The following ATP2A2 variants were observed in gnomAD, a reference collection of about 807,000 sequenced individuals.
ATP2A2 encodes sarcoplasmic/endoplasmic reticulum calcium ATPase 2.
ATP2A2 carries 14 observed loss-of-function variants against 109.3 expected under a neutral mutation model. The observed-to-expected ratio is 0.13, with a 90% CI of 0.08 to 0.20. ATP2A2 has a LOEUF of 0.20. Among genes scored for constraint, ATP2A2 ranks in the 10% least tolerant of loss-of-function variants. The probability of loss-of-function intolerance (pLI) is 1.00; values close to 1 mark genes in which losing one functional copy is unlikely to be tolerated. For synonymous variants in ATP2A2, 506 were observed against 490.9 expected, an observed-to-expected ratio of 1.03 and a Z score of -0.41; for missense variants, 657 against 1,321.6, an observed-to-expected ratio of 0.50 and a Z score of 7.80.
At chr12:110,319,005 T>A (rs534235226) in intron 5 of ATP2A2, among the ~76,000 whole-genome samples, 2 of 152,264 alleles carry the variant, frequency 1.3e-5, no homozygotes, top group East Asian at 3.9e-4. Flanking sequence ...CTTGCATTAA[T>A]TTTTCTAGTG....
At chr12:110,309,815 A>G (rs1566215988) in intron 5 of ATP2A2, among the ~76,000 whole-genome samples, 1 of 151,776 alleles carries the variant, frequency 6.6e-6, no homozygotes, top group African/African-American at 2.4e-5. Flanking sequence ...CTGAGGTGGG[A>G]GGATCACCTG....
At chr12:110,329,239 T>C (rs1878102297) in intron 8 of ATP2A2, among the ~76,000 whole-genome samples, 1 of 152,206 alleles carries the variant, frequency 6.6e-6, no homozygotes, top group Non-Finnish European at 1.5e-5. Context: ...ATAGTTAACC[T>C]GTGTTGTTTA....
intron 3 of ATP2A2, 83 bp from the exon 4 acceptor site, chr12:110,291,937 A>G (rs1298818475): frequency 1.6e-6 from 2 of 1,242,280 alleles, no homozygotes; most frequent in African/African-American, 1.5e-5. Context: ...CTGAGCCACC[A>G]TGCTCGGCCA....
rs566471854 is a variant in ATP2A2, at chr12:110,287,184, C to T, written c.219+4389C>T. Among the ~76,000 whole-genome samples the T allele has an allele frequency of 1.6e-3, 246 of 152,098 alleles. 1 individual carries two copies. The highest frequency in any genetic ancestry group is 2.9e-3 in the Non-Finnish European group (195 of 67,990). On this transcript the variant is annotated intron_variant, in intron 3 of 19. Transcript: ENST00000539276. ...AGGAGAATCGCTTGAACCCGGGAGG[C>T]GGATGTTGCAGTGAGCCGAGATTGC...
intron 5 of ATP2A2, among the ~76,000 whole-genome samples, chr12:110,319,673 A>G (rs1877043300): frequency 6.7e-6 from 1 of 149,652 alleles, no homozygotes; most frequent in Non-Finnish European, 1.5e-5. Context: ...TACTACACAT[A>G]TTGTATATTT....
At chr12:110,311,733 A>T (rs1432666825) in intron 5 of ATP2A2, among the ~76,000 whole-genome samples, 6 of 48,474 alleles carry the variant, frequency 1.2e-4, no homozygotes, top group African/African-American at 8.3e-4. Context: ...AGAATTGTTT[A>T]AAAAAAAAAA....
At chr12:110,307,863 T>C (rs2137756422) in intron 5 of ATP2A2, among the ~76,000 whole-genome samples, 1 of 152,356 alleles carries the variant, frequency 6.6e-6, no homozygotes, top group African/African-American at 2.4e-5. Flanking sequence ...TAGGTCCCAA[T>C]TGTCAAGTTA....
intron 5 of ATP2A2, among the ~76,000 whole-genome samples, chr12:110,302,587 T>TTAC (rs1874791944): frequency 9.8e-6 from 1 of 101,998 alleles, no homozygotes; most frequent in African/African-American, 5.6e-5. Flanking sequence ...TTTATTACTA[T>TTAC]TATTATTATT....
chr12:110,330,634 A>G (rs547227883), intron 8 of ATP2A2: 2 of 152,316 alleles, frequency 1.3e-5, no homozygotes, highest in African/African-American at 2.4e-5. Flanking sequence ...CCAGTTCACT[A>G]TAATTTTTTT....
At chr12:110,313,705 CTTTT>C (rs137984643) in intron 5 of ATP2A2, among the ~76,000 whole-genome samples, 46 of 111,896 alleles carry the variant, frequency 4.1e-4, no homozygotes, top group African/African-American at 3.5e-4. Flanking sequence ...GATAATGGAA[CTTTT>C]TTTTTTTTTT....
intron 5 of ATP2A2, among the ~76,000 whole-genome samples, chr12:110,315,017 C>G (rs1054157057): frequency 9.2e-5 from 14 of 152,082 alleles, no homozygotes; most frequent in Non-Finnish European, 1.6e-4. Context: ...CAGGCACCCG[C>G]CACCATGCCC....
chr12:110,344,767 G>A (rs900462199), intron 16 of ATP2A2, 119 bp from the exon 17 acceptor site: 19 of 982,282 alleles, frequency 1.9e-5, no homozygotes, highest in South Asian at 6.6e-5. Context: ...CACAGGCCCC[G>A]GTTACCATCA....
rs116476969 is a variant in ATP2A2, at chr12:110,318,067, A to G, written c.464-4925A>G. Among the ~76,000 whole-genome samples, 1,235 of 152,342 alleles carry G rather than the reference A, an allele frequency of 8.1e-3. 1 individual carries two copies. Among genetic ancestry groups the G allele is most frequent in the Non-Finnish European group, 9.5e-3 (644 of 68,032 alleles). On this transcript the variant is annotated intron_variant, in intron 5 of 19. Transcript: ENST00000539276. ...ATTTTCCACTACCACTTGCCCTAAG[A>G]GCATTGACATGCCTCACCAGGGAAA...
intron 8 of ATP2A2, among the ~76,000 whole-genome samples, chr12:110,328,638 G>A (rs1428452468): frequency 6.6e-6 from 1 of 152,154 alleles, no homozygotes; most frequent in Admixed American, 6.6e-5. Context: ...CACAGCTGTG[G>A]CTCACTTACA....
Position 110,319,841 on chromosome 12 carries a change from C to T in ATP2A2, c.464-3151C>T, listed in dbSNP as rs566138932. On this transcript the variant is annotated intron_variant, in intron 5 of 19. Transcript: ENST00000539276. ...GGTCCTACCTAATACTGTTAGATAA[C>T]GATTGGATATCCCTAATCTGAAAAG... Among the ~76,000 whole-genome samples, 7 of 151,828 alleles carry T rather than the reference C, an allele frequency of 4.6e-5. No individual in the cohort carries two copies. In the South Asian group the frequency reaches 6.2e-4, roughly 14 times the overall value.
chr12:110,345,218 C>A (rs994485757), intron 17 of ATP2A2, 31 bp from the exon 18 acceptor site: 1 of 1,613,916 alleles, frequency 6.2e-7, no homozygotes, highest in African/African-American at 1.3e-5. Flanking sequence ...ATATACTGGG[C>A]TGATAGGAAT....
chr12:110,302,553 C>G (rs536906936), intron 5 of ATP2A2, among the ~76,000 whole-genome samples: 2 of 149,412 alleles, frequency 1.3e-5, no homozygotes, highest in African/African-American at 4.9e-5. Context: ...TGACGTTGGG[C>G]TCTGTTTTTC....
intron 5 of ATP2A2, among the ~76,000 whole-genome samples, chr12:110,305,830 C>T (rs544513957): frequency 6.0e-5 from 9 of 148,842 alleles, no homozygotes; most frequent in East Asian, 2.0e-4. Flanking sequence ...GAAATATGGT[C>T]GTAATATCAA....
At chr12:110,345,535 C>A in intron 18 of ATP2A2, 153 bp downstream of exon 18, 2 of 1,152,484 alleles carry the variant, frequency 1.7e-6, no homozygotes, top group Non-Finnish European at 2.5e-6. Flanking sequence ...AAAGCATGAG[C>A]TGTCGTCACC....
Sources: gnomAD v4.1 joint callset for allele counts (sites outside exome capture counted in the v4.1 genomes callset) on GRCh38, gnomAD v4.1.1 for gene constraint, MANE v1.5 for transcripts, NCBI Gene and HGNC (gene_info 2026-07-23, HGNC 2026-07-21) for gene names.